C2CD2: variants seen among roughly 807,000 people sequenced by gnomAD.
The protein encoded by C2CD2 is C2 domain-containing protein 2.
C2CD2 carries 43 observed loss-of-function variants against 74.3 expected under a neutral mutation model. That is an observed-to-expected ratio of 0.58 (90% CI 0.45 to 0.75). The LOEUF is 0.75. C2CD2 is among the 30% of genes least tolerant of loss of function. The probability of loss-of-function intolerance (pLI) is 0.00; values close to 1 mark genes in which losing one functional copy is unlikely to be tolerated. For synonymous variants in C2CD2, 422 were observed against 390.7 expected (o/e 1.08, Z -0.94); for missense variants, 801 against 916.3 (o/e 0.87, Z 1.63).
In C2CD2 at chr21:41,943,649, T is replaced by C. The variant is rs545173665; in HGVS notation, c.280-1404A>G. On this transcript the variant is annotated intron_variant, in intron 1 of 13. Transcript: ENST00000380486. ...ACCGAGGGTGGGAGAGGGGAAGCGG[T>C]GTAAAACCTTGCCGTGGCGATTCCA... 5.9e-5 allele frequency among the ~76,000 whole-genome samples: 9 copies of C among 152,214 alleles called. No individual in the cohort carries two copies. In the South Asian group the frequency reaches 1.9e-3, roughly 32 times the overall value.
intron 1 of C2CD2, among the ~76,000 whole-genome samples, chr21:41,947,139 T>TCTCTCTCTCTCTCTCTCTCTCTCTCTCC (rs1365076208): frequency 7.4e-5 from 9 of 122,376 alleles, no homozygotes; most frequent in South Asian, 6.3e-4. Context: ...TCTCTCTCTC[T>TCTCTCTCTCTCTCTCTCTCTCTCTCTCC]CCCTCCCTCC....
chr21:41,943,860 G>A (rs149377506), intron 1 of C2CD2, among the ~76,000 whole-genome samples: 1 of 152,196 alleles, frequency 6.6e-6, no homozygotes, highest in Admixed American at 6.5e-5. Flanking sequence ...TACTGCTCGA[G>A]AGGGCTGAAA....
At chr21:41,940,179 C>G (rs1290365453) in intron 2 of C2CD2, among the ~76,000 whole-genome samples, 3 of 152,138 alleles carry the variant, frequency 2.0e-5, no homozygotes, top group Non-Finnish European at 2.9e-5. Context: ...GGATACTCAA[C>G]CTGTACTTTC....
chr21:41,921,025 G>T (rs1175475174), intron 3 of C2CD2, among the ~76,000 whole-genome samples: 3 of 152,216 alleles, frequency 2.0e-5, no homozygotes, highest in African/African-American at 7.2e-5. Context: ...CCTCAAAGGG[G>T]GTGCTGCTGG....
At position 41,953,527 on chromosome 21, in the gene C2CD2, G is replaced by A; in HGVS notation, c.122C>T (p.Ala41Val). 3.4e-6 allele frequency: 5 copies of A among 1,476,396 alleles called. No individual in the cohort carries two copies. The highest frequency in any genetic ancestry group is 2.9e-5 in the East Asian group (1 of 34,410). 91.5% of individuals were successfully genotyped at this position (1,476,396 alleles called of 1,614,324 possible). A position where few individuals can be genotyped will look rare whatever the true frequency, so the allele number is the denominator to read the frequency against. Residue 41 changes from alanine (A) to valine (V), a missense_variant, in exon 1 of 14, where the codon GCG (alanine) becomes GTG (valine). Coordinates refer to ENST00000380486, the MANE Select transcript of C2CD2 (RefSeq NM_015500.2). ...CGCCCGCCGCTGGGGCTGGGGTCGC[G>A]CCCTGGCCAGCGCCCACTGCGCCAG... ...LYLAQWALAR[A>V]RPQPQRRAVE...
At chr21:41,889,735 C>T (rs1054920221) in intron 13 of C2CD2, among the ~76,000 whole-genome samples, 3 of 151,846 alleles carry the variant, frequency 2.0e-5, no homozygotes, top group Non-Finnish European at 2.9e-5. Context: ...CAGGTTCAAG[C>T]GATTCTCCTG....
At chr21:41,934,193 A>C (rs1373748469) in intron 2 of C2CD2, among the ~76,000 whole-genome samples, 31 of 152,308 alleles carry the variant, frequency 2.0e-4, no homozygotes, top group Non-Finnish European at 2.9e-5. Flanking sequence ...TTTGGGAGGC[A>C]GAAGACGATG....
rs866289950 is a variant in C2CD2, at chr21:41,903,723, C to T, written c.1433-1974G>A. 1.2e-4 allele frequency among the ~76,000 whole-genome samples: 19 copies of T among 152,294 alleles called. No homozygotes were observed. The highest frequency in any genetic ancestry group is 2.1e-4 in the South Asian group (1 of 4,828). ...GGCCCAGTGCTTCTGTTCAGTCCCC[C>T]GAGAGCCCGGTCCAGGTGCCAGGTG... On this transcript the variant is annotated intron_variant, in intron 11 of 13. Coordinates refer to ENST00000380486, the MANE Select transcript of C2CD2 (RefSeq NM_015500.2). This position sits in a 1 kb window ranked among gnomAD's most constrained non-coding sequence, Gnocchi z 4.5.
intron 13 of C2CD2, among the ~76,000 whole-genome samples, chr21:41,891,924 G>A (rs74369345): frequency 0.024 from 3,679 of 152,250 alleles, 164 homozygotes; most frequent in African/African-American, 0.082. Context: ...CTGGCCTGGC[G>A]TCTGTATCCA....
At chr21:41,896,720 A>C (rs1020305057) in intron 13 of C2CD2, among the ~76,000 whole-genome samples, 12 of 151,628 alleles carry the variant, frequency 7.9e-5, no homozygotes, top group Admixed American at 2.6e-4. Context: ...AAAAAAAAAA[A>C]AAAAAAAAAC....
rs2065466342 is a variant in C2CD2, at chr21:41,953,354, A to C, written c.279+16T>G. 7.2e-7 allele frequency: 1 copy of C among 1,388,860 alleles called. No homozygotes were observed. Among genetic ancestry groups the C allele is most frequent in the Non-Finnish European group, 9.4e-7 (1 of 1,063,366 alleles). 86.0% of individuals were successfully genotyped at this position (1,388,860 alleles called of 1,614,324 possible). ...CGGCATCTGCCGCCCCCCGGCCCGC[A>C]GTCCCGGAAACTCACCCCTTTCCTC... On this transcript the variant is annotated intron_variant, in intron 1 of 13. Transcript: ENST00000380486.
intron 2 of C2CD2, among the ~76,000 whole-genome samples, chr21:41,935,894 C>T (rs528619101): frequency 2.6e-5 from 4 of 152,050 alleles, no homozygotes; most frequent in African/African-American, 7.2e-5. Flanking sequence ...TGGCTATCCA[C>T]GTGCAGAAGA....
rs757741540 is a variant in C2CD2, at chr21:41,907,666, C to T, written c.1137G>A (p.Thr379=). The change falls in exon 9 of 14, where the codon ACG becomes ACA. Residue 379 remains threonine, a synonymous_variant. Coordinates refer to ENST00000380486, the MANE Select transcript of C2CD2 (RefSeq NM_015500.2). ...GCGGACAGCCTCGCCCTACCTCTGC[C>T]GTGACCGAGCCCAGCACCGAGCTGC... ...ACGSSVLGSV[T]AEFSYMEPGE... is the part of the protein sequence containing the mutation. 2.5e-5 allele frequency: 41 copies of T among 1,611,328 alleles called. No individual in the cohort carries two copies. Among genetic ancestry groups the T allele is most frequent in the Middle Eastern group, 2.2e-4 (1 of 4,598 alleles).
intron 2 of C2CD2, among the ~76,000 whole-genome samples, chr21:41,928,566 A>AAAAAAAAAAC (rs2065236344): frequency 6.6e-6 from 1 of 150,474 alleles, no homozygotes; most frequent in African/African-American, 2.5e-5. Flanking sequence ...AAAAAAAAAA[A>AAAAAAAAAAC]AAGACAACTG....
rs2064871993 is a variant in C2CD2 at position 41,899,845 on chromosome 21, C to T, written c.1561-483G>A. On this transcript the variant is annotated intron_variant, in intron 12 of 13. Coordinates refer to ENST00000380486, the MANE Select transcript of C2CD2 (RefSeq NM_015500.2). This position sits in a 1 kb window ranked among gnomAD's most constrained non-coding sequence, Gnocchi z 4.4. ...TATTTTGTGTAAAAATATTTAAGCA[C>T]TAAATGAACCTCTGAGAGTCGGGAT... Among the ~76,000 whole-genome samples the T allele has an allele frequency of 6.6e-6, 1 of 151,062 alleles. No individual in the cohort carries two copies. Among genetic ancestry groups the T allele is most frequent in the Non-Finnish European group, 1.5e-5 (1 of 67,948 alleles).
intron 2 of C2CD2, among the ~76,000 whole-genome samples, chr21:41,934,059 T>G (rs905398470): frequency 5.3e-5 from 8 of 151,796 alleles, no homozygotes; most frequent in Non-Finnish European, 1.2e-4. Context: ...AAAAAAAAAG[T>G]TTGGACATTT....
Position 41,892,284 on chromosome 21 carries a change from C to T in C2CD2, c.1871-2940G>A, listed in dbSNP as rs2064763879. Among the ~76,000 whole-genome samples the T allele has an allele frequency of 6.6e-6, 1 of 152,148 alleles. No homozygotes were observed. The highest frequency in any genetic ancestry group is 2.1e-4 in the South Asian group (1 of 4,824). Reference sequence around the variant, plus strand: ...AAAGGTTGTCAGCAGCTGTCAGGAGCTGGAGAGGCGGGAGCAGGCTCTCCC... The same window carrying T: ...AAAGGTTGTCAGCAGCTGTCAGGAGTTGGAGAGGCGGGAGCAGGCTCTCCC... On this transcript the variant is annotated intron_variant, in intron 13 of 13. Coordinates refer to ENST00000380486, the MANE Select transcript of C2CD2 (RefSeq NM_015500.2). This position sits in a 1 kb window ranked among gnomAD's most constrained non-coding sequence, Gnocchi z 4.6.
intron 1 of C2CD2, among the ~76,000 whole-genome samples, chr21:41,948,639 G>A (rs1381636757): frequency 6.6e-6 from 1 of 152,100 alleles, no homozygotes; most frequent in Non-Finnish European, 1.5e-5. Flanking sequence ...GAGGAGGGAA[G>A]GGCAGCTCCA....
intron 2 of C2CD2, among the ~76,000 whole-genome samples, chr21:41,941,611 C>G (rs2065354878): frequency 6.6e-6 from 1 of 152,170 alleles, no homozygotes; most frequent in Admixed American, 6.5e-5. Flanking sequence ...TATCAGATGT[C>G]CTGAGATACA....
Sources: gnomAD v4.1 joint callset for allele counts (sites outside exome capture counted in the v4.1 genomes callset) on GRCh38, gnomAD v4.1.1 for gene constraint, Gnocchi (gnomAD v3.1) non-coding constraint, MANE v1.5 for transcripts, NCBI Gene and HGNC (gene_info 2026-07-23, HGNC 2026-07-21) for gene names.